Variants in MNAT1 observed in about 807,000 individuals in gnomAD.
MNAT1 encodes CDK-activating kinase assembly factor MAT1.
In MNAT1, 43 loss-of-function variants were observed where a neutral mutation model predicts 42.0. The ratio of observed to expected loss-of-function variants is 1.02; its 90% CI spans 0.80 to 1.32. The LOEUF (loss-of-function observed/expected upper bound fraction) is 1.32. Ranked by LOEUF, MNAT1 falls within the 40% of genes most tolerant of loss-of-function variation. MNAT1 has a pLI of 0.00. For synonymous variants in MNAT1, 118 were observed against 120.0 expected (o/e 0.98, Z 0.11); for missense variants, 306 against 350.4 (o/e 0.87, Z 1.01).
chr14:60,968,452 C>A lies in MNAT1; in HGVS notation c.*103C>A. ...GTGCAGCTGCACAACACAGTCCTTC[C>A]ACTAGCAGCTGTGTTAAAGTATTTA... On this transcript the variant is annotated 3_prime_UTR_variant, in exon 8 of 8. Transcript: ENST00000261245. The A allele has an allele frequency of 6.5e-7, 1 of 1,530,628 alleles. No individual in the cohort carries two copies. The highest frequency in any genetic ancestry group is 2.4e-5 in the East Asian group (1 of 41,472). The allele number at this position is 1,530,628 out of a possible 1,614,324, so 94.8% of individuals were successfully genotyped here. A position where few individuals can be genotyped will look rare whatever the true frequency, so the allele number is the denominator to read the frequency against.
At chr14:60,869,042 T>TATATATATATATATA (rs1336981892) in intron 6 of MNAT1, among the ~76,000 whole-genome samples, 43 of 79,076 alleles carry the variant, frequency 5.4e-4, no homozygotes, top group Admixed American at 1.0e-3. Flanking sequence ...ATATATATAT[T>TATATATATATATATA]TTTTTTTTTT....
At chr14:60,754,188 G>T (rs1283424059) in intron 1 of MNAT1, among the ~76,000 whole-genome samples, 1 of 152,176 alleles carries the variant, frequency 6.6e-6, no homozygotes, top group Non-Finnish European at 1.5e-5. Context: ...ATTGTTTATT[G>T]TTTTAAGCTG....
intron 1 of MNAT1, among the ~76,000 whole-genome samples, chr14:60,769,069 G>A (rs1486735486): frequency 1.3e-5 from 2 of 152,038 alleles, no homozygotes; most frequent in Non-Finnish European, 2.9e-5. Flanking sequence ...TTGAGAAATA[G>A]GGTATTACTG....
intron 1 of MNAT1, 89 bp from the exon 2 acceptor site, chr14:60,796,128 C>G: frequency 8.7e-7 from 1 of 1,143,512 alleles, no homozygotes; most frequent in Non-Finnish European, 1.2e-6. Context: ...TCAAGTCTCA[C>G]TCTCCTTATC....
chr14:60,941,267 A>G (rs2036153726), intron 7 of MNAT1, among the ~76,000 whole-genome samples: 1 of 152,184 alleles, frequency 6.6e-6, no homozygotes. Flanking sequence ...CCTGTGATTC[A>G]GGAAATTGTA....
At chr14:60,860,437 C>T (rs1296769765) in intron 6 of MNAT1, among the ~76,000 whole-genome samples, 3 of 146,008 alleles carry the variant, frequency 2.1e-5, no homozygotes, top group Admixed American at 1.4e-4. Flanking sequence ...ACTGCAAGCT[C>T]CCCATCCCAG....
At chr14:60,795,787 A>T (rs1165415846) in intron 1 of MNAT1, among the ~76,000 whole-genome samples, 1 of 152,156 alleles carries the variant, frequency 6.6e-6, no homozygotes, top group East Asian at 1.9e-4. Flanking sequence ...GGAAAGGAAG[A>T]AAAAAACATC....
intron 7 of MNAT1, among the ~76,000 whole-genome samples, chr14:60,909,317 C>G (rs2035289939): frequency 6.6e-6 from 1 of 152,056 alleles, no homozygotes; most frequent in Non-Finnish European, 1.5e-5. Context: ...TGCAGAAACT[C>G]TTTAGTTTAA....
intron 7 of MNAT1, among the ~76,000 whole-genome samples, chr14:60,909,161 G>C (rs1410602155): frequency 6.6e-6 from 1 of 152,136 alleles, no homozygotes; most frequent in Non-Finnish European, 1.5e-5. Context: ...CCCACTTTTT[G>C]ATGGGGTTTT....
chr14:60,918,046 T>A (rs1244580537), intron 7 of MNAT1, among the ~76,000 whole-genome samples: 2 of 151,944 alleles, frequency 1.3e-5, no homozygotes, highest in African/African-American at 4.8e-5. Flanking sequence ...CTTTTTGTCT[T>A]TGCTTGATCA....
At chr14:60,892,022 T>C (rs549613840) in intron 7 of MNAT1, among the ~76,000 whole-genome samples, 98 of 152,304 alleles carry the variant, frequency 6.4e-4, no homozygotes, top group African/African-American at 2.4e-3. Context: ...CTTTGTATGA[T>C]ACCAATTTTT....
chr14:60,866,718 T>A (rs1043398829), intron 6 of MNAT1, among the ~76,000 whole-genome samples: 6 of 152,072 alleles, frequency 3.9e-5, no homozygotes, highest in African/African-American at 1.4e-4. Flanking sequence ...TACAAGGAAT[T>A]TATAGGAATG....
rs537867667 is a variant in MNAT1, at chr14:60,799,926, AT to A, written c.316+1768del. On this transcript the variant is annotated intron_variant, in intron 3 of 7. Coordinates refer to ENST00000261245, the MANE Select transcript of MNAT1 (RefSeq NM_002431.4). Reference sequence around the variant, plus strand: ...CATTTAATTTGAAAGTGATTCTGCTATTATGTGTATTCATGAAGGACTGTCT... The same window carrying A: ...CATTTAATTTGAAAGTGATTCTGCTATATGTGTATTCATGAAGGACTGTCT... 1.3e-4 allele frequency among the ~76,000 whole-genome samples: 20 copies of A among 152,182 alleles called. No homozygotes were observed. The South Asian group carries it at 4.2e-3, about 32-fold the overall frequency.
At chr14:60,809,584 C>A (rs1252097238) in intron 4 of MNAT1, among the ~76,000 whole-genome samples, 1 of 152,060 alleles carries the variant, frequency 6.6e-6, no homozygotes, top group Non-Finnish European at 1.5e-5. Flanking sequence ...AAGGGCGTTA[C>A]ATTTTATCAA....
intron 6 of MNAT1, among the ~76,000 whole-genome samples, chr14:60,835,683 A>G (rs1490707338): frequency 1.3e-5 from 2 of 151,856 alleles, no homozygotes; most frequent in Non-Finnish European, 1.5e-5. Context: ...CTTCATTTCA[A>G]CCTTGGTGAA....
intron 6 of MNAT1, among the ~76,000 whole-genome samples, chr14:60,870,608 G>A (rs1459893416): frequency 1.3e-5 from 2 of 152,032 alleles, no homozygotes; most frequent in African/African-American, 4.8e-5. Flanking sequence ...GATGCTGATA[G>A]CAAAATTTCT....
At chr14:60,783,697 C>T (rs1159618337) in intron 1 of MNAT1, among the ~76,000 whole-genome samples, 5 of 152,050 alleles carry the variant, frequency 3.3e-5, no homozygotes, top group Admixed American at 1.3e-4. Context: ...AGGGTTTCAC[C>T]GTGTTAGCCA....
chr14:60,739,059 T>A (rs1186618335), intron 1 of MNAT1, among the ~76,000 whole-genome samples: 1 of 152,088 alleles, frequency 6.6e-6, no homozygotes, highest in Non-Finnish European at 1.5e-5. Context: ...GTTTCCAAGG[T>A]CACTCATGTG....
At chr14:60,881,273 C>T (rs2034545835) in intron 7 of MNAT1, among the ~76,000 whole-genome samples, 2 of 152,150 alleles carry the variant, frequency 1.3e-5, no homozygotes, top group South Asian at 4.1e-4. Flanking sequence ...CAACCTCTGC[C>T]TCCTGGGTTC....
Sources: gnomAD v4.1 joint callset for allele counts (sites outside exome capture counted in the v4.1 genomes callset) on GRCh38, gnomAD v4.1.1 for gene constraint, MANE v1.5 for transcripts, NCBI Gene and HGNC (gene_info 2026-07-23, HGNC 2026-07-21) for gene names.